Variants in KIAA1549L observed in about 807,000 individuals in gnomAD.
KIAA1549L encodes UPF0606 protein KIAA1549L.
In KIAA1549L, 88 loss-of-function variants were observed where a neutral mutation model predicts 160.7. That is an observed-to-expected ratio of 0.55 (90% confidence interval 0.46 to 0.65). The LOEUF (loss-of-function observed/expected upper bound fraction) is 0.65, where lower values mean the gene tolerates loss of function less well. Among genes scored for constraint, KIAA1549L ranks in the 30% least tolerant of loss-of-function variants. KIAA1549L has a pLI of 0.00. For missense variants in KIAA1549L, 2,258 were observed against 2,437.5 expected, an observed-to-expected ratio of 0.93 and a Z score of 1.55; for synonymous variants, 950 against 976.7, an observed-to-expected ratio of 0.97 and a Z score of 0.51.
At chr11:33,466,789 TA>T (rs1473149597) in intron 1 of KIAA1549L, among the ~76,000 whole-genome samples, 6 of 151,966 alleles carry the variant, frequency 3.9e-5, no homozygotes, top group East Asian at 1.9e-4. Flanking sequence ...TATGCAGCCA[TA>T]AAAAAGTATG....
At chr11:33,565,130 A>G (rs56719871) in intron 8 of KIAA1549L, among the ~76,000 whole-genome samples, 15,453 of 151,936 alleles carry the variant, frequency 0.1, 1,077 homozygotes, top group East Asian at 0.32. Flanking sequence ...CTGAGCTTCT[A>G]TGGTTCTGTG....
At chr11:33,481,703 C>G (rs1351781321) in intron 1 of KIAA1549L, among the ~76,000 whole-genome samples, 3 of 152,208 alleles carry the variant, frequency 2.0e-5, no homozygotes, top group African/African-American at 7.2e-5. Context: ...CAGACCCACC[C>G]TCACTTTTTA....
intron 20 of KIAA1549L, among the ~76,000 whole-genome samples, chr11:33,665,806 C>T (rs1276761447): frequency 1.3e-5 from 2 of 152,128 alleles, no homozygotes; most frequent in African/African-American, 4.8e-5. Flanking sequence ...AAATCAGAGC[C>T]CCTACAGGGG....
intron 1 of KIAA1549L, among the ~76,000 whole-genome samples, chr11:33,425,040 A>G (rs1394426514): frequency 6.6e-6 from 1 of 152,242 alleles, no homozygotes; most frequent in African/African-American, 2.4e-5. Context: ...GAATGAACAA[A>G]TAAAACCTTG....
intron 1 of KIAA1549L, among the ~76,000 whole-genome samples, chr11:33,457,561 C>T (rs551332559): frequency 6.6e-6 from 1 of 152,262 alleles, no homozygotes; most frequent in East Asian, 1.9e-4. Flanking sequence ...AATGTGGCCA[C>T]GGCCCACAAG....
At chr11:33,403,250 C>CACACACACACAG (rs1850543431) in intron 1 of KIAA1549L, 3 of 60,820 alleles carry the variant, frequency 4.9e-5, no homozygotes, top group Admixed American at 1.8e-4. Context: ...CATATGCAGA[C>CACACACACACAG]ACACACACAG....
chr11:33,494,534 A>C (rs1852770469), intron 1 of KIAA1549L, among the ~76,000 whole-genome samples: 1 of 152,212 alleles, frequency 6.6e-6, no homozygotes, highest in South Asian at 2.1e-4. Flanking sequence ...CAAATGTATA[A>C]ATCAGGGACT....
At chr11:33,655,159 G>A (rs1284801472) in intron 17 of KIAA1549L, among the ~76,000 whole-genome samples, 1 of 152,150 alleles carries the variant, frequency 6.6e-6, no homozygotes, top group African/African-American at 2.4e-5. Flanking sequence ...TGTCTGTTTT[G>A]CTTTTATCCC....
intron 16 of KIAA1549L, among the ~76,000 whole-genome samples, 171 bp from the exon 17 acceptor site, chr11:33,645,515 C>G (rs1218724273): frequency 6.6e-6 from 1 of 152,144 alleles, no homozygotes; most frequent in African/African-American, 2.4e-5. Context: ...TGATAGAGTG[C>G]TGGCTGAGTA....
At chr11:33,578,547 C>T (rs973424399) in intron 10 of KIAA1549L, among the ~76,000 whole-genome samples, 17 of 152,176 alleles carry the variant, frequency 1.1e-4, no homozygotes, top group African/African-American at 2.4e-4. Flanking sequence ...TGTAATAAAA[C>T]GTAGATTCTG....
At chr11:33,476,155 C>A (rs1247270505) in intron 1 of KIAA1549L, among the ~76,000 whole-genome samples, 1 of 152,246 alleles carries the variant, frequency 6.6e-6, no homozygotes, top group African/African-American at 2.4e-5. Context: ...ACTGCCAAGG[C>A]AGCTTTGAAG....
chr11:33,433,320 A>G lies in KIAA1549L; in HGVS notation c.238+56431A>G, dbSNP rs375813120. ...ACACGTATCAAAAGAAGACATTTACATGGCCAACAAATGTGAAAAAAGGCT... is the reference window on the plus strand; with the variant it reads ...ACACGTATCAAAAGAAGACATTTACGTGGCCAACAAATGTGAAAAAAGGCT... On this transcript the variant is annotated intron_variant, in intron 1 of 20. Transcript: ENST00000658780. Among the ~76,000 whole-genome samples, 9 of 152,356 alleles carry G rather than the reference A, an allele frequency of 5.9e-5. No homozygotes were observed. The East Asian group carries it at 1.5e-3, about 26-fold the overall frequency.
rs114998645 is a variant in KIAA1549L, at chr11:33,561,646, G to C, written c.4019-30G>C. ...AACGAAACAAATCAAACCTATAAAAGTAATTGGGTATGTTTCTTATTTGTT... is the reference window on the plus strand; with the variant it reads ...AACGAAACAAATCAAACCTATAAAACTAATTGGGTATGTTTCTTATTTGTT... On this transcript the variant is annotated intron_variant, in intron 7 of 20. Coordinates refer to ENST00000658780, the MANE Select transcript of KIAA1549L (RefSeq NM_012194.3). 2,631 of 1,515,980 alleles carry C rather than the reference G, an allele frequency of 1.7e-3. 24 individuals are homozygous for C. In the African/African-American group the frequency reaches 0.028, roughly 16 times the overall value. The allele number at this position is 1,515,980 out of a possible 1,614,324, so 93.9% of individuals were successfully genotyped here.
At chr11:33,403,388 GACACAC>G (rs1171671322) in intron 1 of KIAA1549L, 1 of 33,228 alleles carries the variant, frequency 3.0e-5, no homozygotes, top group Non-Finnish European at 6.9e-5. Flanking sequence ...CACATACAGG[GACACAC>G]ATGGACATGG....
chr11:33,565,298 T>C (rs1357846669), intron 8 of KIAA1549L, among the ~76,000 whole-genome samples: 1 of 152,148 alleles, frequency 6.6e-6, no homozygotes, highest in African/African-American at 2.4e-5. Flanking sequence ...GGTGTTTTCT[T>C]CCTCTGGTAA....
chr11:33,503,157 G>A (rs768471947), intron 1 of KIAA1549L, among the ~76,000 whole-genome samples: 4 of 152,026 alleles, frequency 2.6e-5, no homozygotes, highest in African/African-American at 7.2e-5. Context: ...TGTTTTAAAC[G>A]TTTTGAGATT....
In KIAA1549L at chr11:33,542,855, T is replaced by A; in HGVS notation, c.1292T>A (p.Met431Lys). The A allele has an allele frequency of 6.2e-7, 1 of 1,613,900 alleles. No individual in the cohort carries two copies. Among genetic ancestry groups the A allele is most frequent in the Non-Finnish European group, 8.5e-7 (1 of 1,179,870 alleles). ...FQTAESGAIE[M>K]TSRKLASATA... ...ACTGCAGAATCAGGGGCCATAGAAA[T>A]GACCAGCAGAAAGCTAGCCTCTGCC... The change falls in exon 2 of 21, where the codon ATG (methionine) becomes AAG (lysine). Residue 431 changes from methionine to lysine, a missense_variant. Met to Lys is a moderately conservative substitution (Grantham distance 95). Coordinates refer to ENST00000658780, the MANE Select transcript of KIAA1549L (RefSeq NM_012194.3).
intron 1 of KIAA1549L, among the ~76,000 whole-genome samples, chr11:33,382,892 A>G (rs2134034301): frequency 6.6e-6 from 1 of 152,238 alleles, no homozygotes; most frequent in Admixed American, 6.5e-5. Flanking sequence ...ATACTGCAGC[A>G]TTTGGGGGTT....
At chr11:33,549,184 C>T (rs1195979270) in intron 4 of KIAA1549L, among the ~76,000 whole-genome samples, 1 of 151,772 alleles carries the variant, frequency 6.6e-6, no homozygotes, top group African/African-American at 2.4e-5. Context: ...AAAACTTAAG[C>T]ACATTTTTTT....
Sources: allele counts gnomAD v4.1 joint callset (sites outside exome capture counted in the v4.1 genomes callset), GRCh38; gene constraint gnomAD v4.1.1; transcripts MANE v1.5; gene names NCBI Gene and HGNC (gene_info 2026-07-23, HGNC 2026-07-21).